L3MBTL3: variants seen among roughly 807,000 people sequenced by gnomAD.
L3MBTL3 encodes the protein L3MBTL histone methyl-lysine binding protein 3.
L3MBTL3 carries 27 observed loss-of-function variants against 102.3 expected under a neutral mutation model. That is an observed-to-expected ratio of 0.26 (90% confidence interval 0.19 to 0.36). The LOEUF is 0.36. Ranked by LOEUF, L3MBTL3 falls within the 10% of genes least tolerant of loss-of-function variation. L3MBTL3 has a pLI of 1.00. For missense variants in L3MBTL3, 798 were observed against 955.3 expected (o/e 0.84, Z 2.17); for synonymous variants, 340 against 320.9 (o/e 1.06, Z -0.64).
At chr6:130,117,270 A>G (rs566132249) in intron 19 of L3MBTL3, among the ~76,000 whole-genome samples, 16 of 148,460 alleles carry the variant, frequency 1.1e-4, no homozygotes, top group East Asian at 2.0e-4. Context: ...ATGATTTCCA[A>G]TTTCATCCAT....
In L3MBTL3 at chr6:130,141,233, G is replaced by A. The variant is rs992291602; in HGVS notation, c.*1480G>A. The A allele has an allele frequency of 2.0e-5, 3 of 152,168 alleles. No individual in the cohort carries two copies. Among genetic ancestry groups the A allele is most frequent in the Non-Finnish European group, 4.4e-5 (3 of 68,028 alleles). 9.4% of individuals were successfully genotyped at this position (152,168 alleles called of 1,614,324 possible). A position where few individuals can be genotyped will look rare whatever the true frequency, so the allele number is the denominator to read the frequency against. On this transcript the variant is annotated 3_prime_UTR_variant, in exon 23 of 23. Transcript: ENST00000361794. ...TAGGACTTCCTTTGATATCCCTGTT[G>A]GAAGTCCATTAGCAGTCCTTTGCAT...
intron 20 of L3MBTL3, among the ~76,000 whole-genome samples, chr6:130,127,400 G>T (rs1453016429): frequency 6.6e-6 from 1 of 152,122 alleles, no homozygotes; most frequent in East Asian, 1.9e-4. Flanking sequence ...CTTTAATTCA[G>T]AGCATTTAGC....
At chr6:130,042,613 C>T in intron 2 of L3MBTL3, 72 bp from the exon 3 acceptor site, 1 of 845,822 alleles carries the variant, frequency 1.2e-6, no homozygotes, top group Non-Finnish European at 2.0e-6. Flanking sequence ...GGAAACTGAA[C>T]TAACGAGTAC....
chr6:130,071,986 C>G (rs1310292723), intron 13 of L3MBTL3, among the ~76,000 whole-genome samples: 4 of 152,008 alleles, frequency 2.6e-5, no homozygotes, highest in African/African-American at 9.7e-5. Flanking sequence ...AAAATGCTTT[C>G]TATTATATGT....
intron 3 of L3MBTL3, among the ~76,000 whole-genome samples, chr6:130,048,963 C>CACACACAT (rs941440638): frequency 6.8e-6 from 1 of 146,714 alleles, no homozygotes; most frequent in Non-Finnish European, 1.5e-5. Flanking sequence ...CACACACACA[C>CACACACAT]ACACACATAC....
At chr6:130,130,960 A>G (rs1212064182) in intron 20 of L3MBTL3, among the ~76,000 whole-genome samples, 1 of 152,222 alleles carries the variant, frequency 6.6e-6, no homozygotes, top group Non-Finnish European at 1.5e-5. Context: ...ACAATAAGAA[A>G]TAAATTTTTT....
At chr6:130,068,484 C>A in intron 12 of L3MBTL3, 63 bp downstream of exon 12, 1 of 806,246 alleles carries the variant, frequency 1.2e-6, no homozygotes, top group Non-Finnish European at 2.2e-6. Flanking sequence ...CTCATAGGAT[C>A]AATTACAAGT....
At chr6:130,074,522 G>A (rs1390054994) in intron 13 of L3MBTL3, among the ~76,000 whole-genome samples, 1 of 152,208 alleles carries the variant, frequency 6.6e-6, no homozygotes, top group Non-Finnish European at 1.5e-5. Context: ...GTACCACGGG[G>A]AGGGTACCTC....
chr6:130,061,541 C>T (rs1781903378), intron 10 of L3MBTL3, among the ~76,000 whole-genome samples: 1 of 152,214 alleles, frequency 6.6e-6, no homozygotes, highest in African/African-American at 2.4e-5. Flanking sequence ...TTCTCTTACT[C>T]ATATCAGAAA....
At chr6:130,114,081 T>C (rs1008781783) in intron 19 of L3MBTL3, among the ~76,000 whole-genome samples, 3 of 152,224 alleles carry the variant, frequency 2.0e-5, no homozygotes, top group Non-Finnish European at 2.9e-5. Flanking sequence ...TCCCTTTTTG[T>C]TGATGGGCTT....
intron 19 of L3MBTL3, among the ~76,000 whole-genome samples, chr6:130,113,917 C>G (rs1194039328): frequency 6.6e-6 from 1 of 152,188 alleles, no homozygotes; most frequent in Non-Finnish European, 1.5e-5. Flanking sequence ...CAATTTAGAG[C>G]CAACCATTCT....
At chr6:130,075,592 G>A (rs1782900336) in intron 13 of L3MBTL3, among the ~76,000 whole-genome samples, 1 of 152,200 alleles carries the variant, frequency 6.6e-6, no homozygotes, top group Non-Finnish European at 1.5e-5. Flanking sequence ...GTTGAAGAGT[G>A]ATAAGGGATA....
intron 2 of L3MBTL3, among the ~76,000 whole-genome samples, chr6:130,036,150 T>G (rs369920829): frequency 8.5e-5 from 13 of 152,328 alleles, no homozygotes; most frequent in East Asian, 5.8e-4. Flanking sequence ...AAGGACTTTG[T>G]ATGTTTGTAT....
intron 19 of L3MBTL3, among the ~76,000 whole-genome samples, chr6:130,112,294 T>C (rs1468352702): frequency 6.6e-6 from 1 of 152,204 alleles, no homozygotes; most frequent in East Asian, 1.9e-4. Flanking sequence ...TTGCGTGCAG[T>C]AGTGACCTCG....
At chr6:130,132,369 T>G (rs1015642009) in intron 20 of L3MBTL3, among the ~76,000 whole-genome samples, 8 of 152,230 alleles carry the variant, frequency 5.3e-5, no homozygotes, top group Non-Finnish European at 1.0e-4. Context: ...AAGGGTGTGC[T>G]GGCCACGTTT....
At chr6:130,137,543 A>G (rs1414881303) in intron 22 of L3MBTL3, 2 of 152,120 alleles carry the variant, frequency 1.3e-5, no homozygotes, top group Non-Finnish European at 2.9e-5. Context: ...CCTTATAAAT[A>G]ACAACCTACC....
intron 16 of L3MBTL3, 36 bp from the exon 17 acceptor site, chr6:130,092,702 TTTATGAC>T: frequency 7.7e-7 from 1 of 1,297,212 alleles, no homozygotes; most frequent in Non-Finnish European, 1.1e-6. Context: ...TGTAGGAACT[TTTATGAC>T]TTAATTTGTA....
chr6:130,073,936 C>T (rs141908437), intron 13 of L3MBTL3, among the ~76,000 whole-genome samples: 81 of 152,152 alleles, frequency 5.3e-4, no homozygotes, highest in Middle Eastern at 3.4e-3. Context: ...TCTCTGAAAA[C>T]GAAAACAGTG....
chr6:130,078,639 G>A lies in L3MBTL3; in HGVS notation c.1321+5G>A, dbSNP rs1783108437. ...GAACCCTTATTACTCCACCAGGTGT[G>A]TGTTTTTTTAATGTGGCTAATACTA... On this transcript the variant is annotated splice_donor_5th_base_variant and intron_variant, in intron 14 of 22. Coordinates refer to ENST00000361794, the MANE Select transcript of L3MBTL3 (RefSeq NM_032438.4). The A allele has an allele frequency of 6.3e-7, 1 of 1,586,416 alleles. No individual in the cohort carries two copies. Among genetic ancestry groups the A allele is most frequent in the African/African-American group, 1.3e-5 (1 of 74,162 alleles).
Sources: gnomAD v4.1 joint callset for allele counts (sites outside exome capture counted in the v4.1 genomes callset) on GRCh38, gnomAD v4.1.1 for gene constraint, MANE v1.5 for transcripts, NCBI Gene and HGNC (gene_info 2026-07-23, HGNC 2026-07-21) for gene names.